Variants in MED12L observed in about 807,000 individuals in gnomAD.
The protein encoded by MED12L is mediator complex subunit 12L.
In MED12L, 60 loss-of-function variants were observed where a neutral mutation model predicts 281.3. That is an observed-to-expected ratio of 0.21 (90% confidence interval 0.17 to 0.26). The LOEUF (loss-of-function observed/expected upper bound fraction) is 0.26. Ranked by LOEUF, MED12L falls within the 10% of genes least tolerant of loss-of-function variation. MED12L has a pLI of 1.00. For synonymous variants in MED12L, 974 were observed against 987.2 expected (o/e 0.99, Z 0.25); for missense variants, 2,146 against 2,680.9 (o/e 0.80, Z 4.41).
rs1216104267 is a variant in MED12L at position 151,394,693 on chromosome 3, A to G, written c.5646A>G (p.Pro1882=). ...SRLDPAGSFV[P]TNTKQALSNM... The stretch of plus-strand genomic sequence containing the variant: ...TGGACCCTGCAGGCTCCTTTGTCCC[A>G]ACCAACACCAAACAAGCTCTGTCAA... The change falls in exon 39 of 45, where the codon CCA becomes CCG. Residue 1882 remains proline, a synonymous_variant. Transcript: ENST00000687756. 1 of 1,614,282 alleles carries G rather than the reference A, an allele frequency of 6.2e-7. No homozygotes were observed. The highest frequency in any genetic ancestry group is 8.5e-7 in the Non-Finnish European group (1 of 1,180,046).
chr3:151,359,817 A>G (rs977114820), intron 20 of MED12L, among the ~76,000 whole-genome samples: 1 of 152,138 alleles, frequency 6.6e-6, no homozygotes, highest in Non-Finnish European at 1.5e-5. Context: ...ATGGACCACA[A>G]GTGTTTACAG....
chr3:151,107,568 T>C (rs1187445942), intron 2 of MED12L, among the ~76,000 whole-genome samples: 3 of 152,094 alleles, frequency 2.0e-5, no homozygotes, highest in African/African-American at 7.2e-5. Flanking sequence ...TTCATAATAA[T>C]GTATTTCAGG....
chr3:151,408,586 T>C (rs1244433320), intron 39 of MED12L, among the ~76,000 whole-genome samples: 1 of 152,226 alleles, frequency 6.6e-6, no homozygotes, highest in Non-Finnish European at 1.5e-5. Context: ...ATACCATTGC[T>C]CTTGTGAATA....
At position 151,265,225 on chromosome 3, in the gene MED12L, A is replaced by G. The variant is rs144604884; in HGVS notation, c.2250+71559A>G. The stretch of plus-strand genomic sequence containing the variant: ...CGGAATAAACAAAGGGGAGCTACTC[A>G]TAGAATATAATGTACGATGCTCTAT... On this transcript the variant is annotated intron_variant, in intron 16 of 44. Coordinates refer to ENST00000687756, the MANE Select transcript of MED12L (RefSeq NM_001393769.1). 5.1e-3 allele frequency among the ~76,000 whole-genome samples: 772 copies of G among 152,346 alleles called. 12 individuals are homozygous for G. The highest frequency in any genetic ancestry group is 0.017 in the African/African-American group (720 of 41,586).
At chr3:151,387,670 TA>T (rs1254512507) in intron 36 of MED12L, 139 bp from the exon 37 acceptor site, 1 of 937,600 alleles carries the variant, frequency 1.1e-6, no homozygotes, top group Non-Finnish European at 1.6e-6. Context: ...TGTAGCTGTG[TA>T]ACCCTCTCTG....
chr3:151,300,649 G>A (rs956709285), intron 16 of MED12L, among the ~76,000 whole-genome samples: 2 of 152,056 alleles, frequency 1.3e-5, no homozygotes, highest in African/African-American at 4.8e-5. Flanking sequence ...ATTAGGGGAA[G>A]TCACACTCTT....
chr3:151,203,528 A>G (rs1036499800), intron 16 of MED12L, among the ~76,000 whole-genome samples: 1 of 151,802 alleles, frequency 6.6e-6, no homozygotes, highest in African/African-American at 2.4e-5. Context: ...TTAAGCAAAT[A>G]TTTTTTCAGT....
intron 20 of MED12L, among the ~76,000 whole-genome samples, chr3:151,358,312 A>C (rs1341420143): frequency 2.0e-5 from 3 of 152,150 alleles, no homozygotes; most frequent in Non-Finnish European, 2.9e-5. Flanking sequence ...AGAATTATTT[A>C]ATAACTCAGC....
chr3:151,425,756 ATTATCATG>A, intron 43 of MED12L: 1 of 456,670 alleles, frequency 2.2e-6, no homozygotes, highest in South Asian at 1.5e-5. Context: ...GAGAGAAGCA[ATTATCATG>A]TTAAACCATA....
chr3:151,394,129 A>G (rs1714656662), intron 38 of MED12L, among the ~76,000 whole-genome samples: 2 of 152,244 alleles, frequency 1.3e-5, no homozygotes, highest in African/African-American at 4.8e-5. Context: ...TTACAATCAT[A>G]GTACTTGAAG....
At chr3:151,162,707 G>A (rs140107894) in intron 8 of MED12L, among the ~76,000 whole-genome samples, 1 of 152,280 alleles carries the variant, frequency 6.6e-6, no homozygotes, top group East Asian at 1.9e-4. Context: ...CCAGAGCGCT[G>A]GGATTATATG....
At chr3:151,368,678 TC>T (rs1755715746) in intron 25 of MED12L, among the ~76,000 whole-genome samples, 2 of 47,258 alleles carry the variant, frequency 4.2e-5, no homozygotes, top group East Asian at 4.5e-4. Context: ...TCATTTCATG[TC>T]ATTTCATTTT....
chr3:151,235,157 A>T (rs1732475841), intron 16 of MED12L, among the ~76,000 whole-genome samples: 1 of 152,198 alleles, frequency 6.6e-6, no homozygotes, highest in South Asian at 2.1e-4. Flanking sequence ...AATTCAAAAT[A>T]AAAAGTAAAA....
intron 16 of MED12L, among the ~76,000 whole-genome samples, chr3:151,306,883 CAG>C (rs902325388): frequency 2.0e-5 from 3 of 152,188 alleles, no homozygotes; most frequent in East Asian, 1.9e-4. Flanking sequence ...TCTCAAATGA[CAG>C]AGTTATAATA....
chr3:151,147,124 A>G (rs922049279), intron 5 of MED12L, among the ~76,000 whole-genome samples: 3 of 152,294 alleles, frequency 2.0e-5, no homozygotes, highest in South Asian at 2.1e-4. Flanking sequence ...GAAGTATATA[A>G]TAACACCCAT....
At chr3:151,422,706 G>T (rs1003135333) in intron 43 of MED12L, among the ~76,000 whole-genome samples, 4 of 151,978 alleles carry the variant, frequency 2.6e-5, no homozygotes, top group Non-Finnish European at 5.9e-5. Context: ...CTTTTTTAGG[G>T]AACATAATTC....
chr3:151,155,289 A>C (rs1191342452), intron 5 of MED12L, among the ~76,000 whole-genome samples: 2 of 151,774 alleles, frequency 1.3e-5, no homozygotes, highest in Non-Finnish European at 2.9e-5. Flanking sequence ...TATCCACAGA[A>C]TGGGCTAAAG....
chr3:151,433,151 G>T lies in MED12L; in HGVS notation c.*347G>T. ...ATTATGATGGATCTAAGGTATTTAT[G>T]TATTTCATTCATTAATGATGACGTT... On this transcript the variant is annotated 3_prime_UTR_variant, in exon 45 of 45. Coordinates refer to ENST00000687756, the MANE Select transcript of MED12L (RefSeq NM_001393769.1). 1.7e-5 allele frequency: 3 copies of T among 180,364 alleles called. No individual in the cohort carries two copies. Among genetic ancestry groups the T allele is most frequent in the Non-Finnish European group, 3.5e-5 (3 of 86,860 alleles). The allele number at this position is 180,364 out of a possible 1,614,324, so 11.2% of individuals were successfully genotyped here.
At chr3:151,205,701 A>G (rs1367568270) in intron 16 of MED12L, among the ~76,000 whole-genome samples, 1 of 152,162 alleles carries the variant, frequency 6.6e-6, no homozygotes, top group Non-Finnish European at 1.5e-5. Flanking sequence ...GTGCAGAGAA[A>G]TTAAGGCCCA....
Sources: gnomAD v4.1 joint callset for allele counts (sites outside exome capture counted in the v4.1 genomes callset) on GRCh38, gnomAD v4.1.1 for gene constraint, MANE v1.5 for transcripts, NCBI Gene and HGNC (gene_info 2026-07-23, HGNC 2026-07-21) for gene names.